Variants in WDR43 observed in about 807,000 individuals in gnomAD.
WDR43 encodes WD repeat domain 43, also known as WD repeat-containing protein 43.
In WDR43, 13 loss-of-function variants were observed where a neutral mutation model predicts 91.4. That is an observed-to-expected ratio of 0.14 (90% CI 0.09 to 0.23). The LOEUF is 0.23. Ranked by LOEUF, WDR43 falls within the 10% of genes least tolerant of loss-of-function variation. The pLI, the probability that WDR43 is intolerant of heterozygous loss-of-function variation, is 1.00. For missense variants in WDR43, 780 were observed against 809.4 expected (o/e 0.96, Z 0.44); for synonymous variants, 331 against 287.9 (o/e 1.15, Z -1.51).
At chr2:28,941,396 G>A in intron 14 of WDR43, 65 bp from the exon 15 acceptor site, 1 of 1,257,524 alleles carries the variant, frequency 8.0e-7, no homozygotes, top group South Asian at 1.3e-5. Context: ...GCATAGCTGA[G>A]CATGATTTGC....
At chr2:28,932,092 G>A (rs565576447) in intron 11 of WDR43, among the ~76,000 whole-genome samples, 3 of 151,998 alleles carry the variant, frequency 2.0e-5, no homozygotes, top group African/African-American at 7.2e-5. Context: ...TGCTCACATT[G>A]GTTTCAAAGT....
rs367917718 is a variant in WDR43, at chr2:28,925,028, A to G, written c.961A>G (p.Thr321Ala). The G allele has an allele frequency of 6.2e-7, 1 of 1,613,812 alleles. No individual in the cohort carries two copies. The highest frequency in any genetic ancestry group is 8.5e-7 in the Non-Finnish European group (1 of 1,179,868). The change falls in exon 8 of 18, where the codon ACA (threonine) becomes GCA (alanine). Residue 321 changes from threonine (T) to alanine (A), a missense_variant. By Grantham distance (58) the Thr-to-Ala change is moderately conservative. Coordinates refer to ENST00000407426, the MANE Select transcript of WDR43 (RefSeq NM_015131.3). Reference protein sequence around the residue: ...LTSNCTIQIATPGKGKKSTPK... With the variant: ...LTSNCTIQIAAPGKGKKSTPK... ...TTCAAACTGCACAATTCAGATAGCA[A>G]CACCTGGGAAAGGCAAGAAGTCAAC...
At chr2:28,937,662 G>A (rs1383583790) in intron 13 of WDR43, among the ~76,000 whole-genome samples, 1 of 152,112 alleles carries the variant, frequency 6.6e-6, no homozygotes, top group Non-Finnish European at 1.5e-5. Flanking sequence ...AGTAAAGCAC[G>A]GGTTTTGCTC....
chr2:28,934,332 A>G (rs1671300490), intron 11 of WDR43, among the ~76,000 whole-genome samples: 1 of 152,206 alleles, frequency 6.6e-6, no homozygotes, highest in Non-Finnish European at 1.5e-5. Context: ...TACAGTGTTT[A>G]TTTTTATCAT....
At chr2:28,934,473 C>CG (rs1671302896) in intron 11 of WDR43, among the ~76,000 whole-genome samples, 1 of 152,124 alleles carries the variant, frequency 6.6e-6, no homozygotes, top group Non-Finnish European at 1.5e-5. Flanking sequence ...TCTTCAACAC[C>CG]ACCTTCTTAG....
intron 13 of WDR43, 56 bp from the exon 14 acceptor site, chr2:28,937,875 A>G (rs1671363133): frequency 6.4e-7 from 1 of 1,561,126 alleles, no homozygotes; most frequent in Non-Finnish European, 8.8e-7. Context: ...CTAACAGCTC[A>G]GTTGAATTTA....
rs1671540942 is a variant in WDR43 at position 28,946,299 on chromosome 2, AT to A, written c.1805-150del. 39 of 877,480 alleles carry A rather than the reference AT, an allele frequency of 4.4e-5. No individual in the cohort carries two copies. The East Asian group carries it at 4.5e-4, about 10-fold the overall frequency. 54.4% of individuals were successfully genotyped at this position (877,480 alleles called of 1,614,324 possible). A position where few individuals can be genotyped will look rare whatever the true frequency, so the allele number is the denominator to read the frequency against. On this transcript the variant is annotated intron_variant, in intron 16 of 17. Coordinates refer to ENST00000407426, the MANE Select transcript of WDR43 (RefSeq NM_015131.3). ...GCACTCCAGCCTGCAAAAAAAAAAA[AT>A]AATAAAATAATGTTATTTCTTAGTT...
Position 28,914,158 on chromosome 2 carries a change from A to T in WDR43, c.696A>T (p.Thr232=), listed in dbSNP as rs767051100. The change falls in exon 5 of 18, where the codon ACA becomes ACT. Residue 232 remains threonine (T), a synonymous_variant. Transcript: ENST00000407426. ...AGAGCCAGCCCTTTGATGGAATTAC[A>T]GGTCTTTATTTCTTATCTGGAGCAG... ...PNESQPFDGI[T]GLYFLSGAVH... is the part of the protein sequence containing the mutation. 3.1e-6 allele frequency: 5 copies of T among 1,613,938 alleles called. No homozygotes were observed. Among genetic ancestry groups the T allele is most frequent in the Non-Finnish European group, 4.2e-6 (5 of 1,179,890 alleles).
At chr2:28,941,843 C>T (rs573793657) in intron 15 of WDR43, among the ~76,000 whole-genome samples, 1 of 152,280 alleles carries the variant, frequency 6.6e-6, no homozygotes, top group South Asian at 2.1e-4. Flanking sequence ...GATCCTACCA[C>T]CTTGACCTCC....
chr2:28,918,100 G>C, intron 6 of WDR43, 105 bp downstream of exon 6: 1 of 948,258 alleles, frequency 1.1e-6, no homozygotes, highest in Non-Finnish European at 1.6e-6. Flanking sequence ...GAGGACCTGA[G>C]GGAGTAACAA....
At chr2:28,919,015 T>A (rs1670969626) in intron 6 of WDR43, among the ~76,000 whole-genome samples, 1 of 152,178 alleles carries the variant, frequency 6.6e-6, no homozygotes, top group Non-Finnish European at 1.5e-5. Context: ...TGGTTTAATG[T>A]TTCTGGCTGG....
chr2:28,942,484 TG>T (rs1671458223), intron 16 of WDR43, 103 bp downstream of exon 16: 2 of 1,270,020 alleles, frequency 1.6e-6, no homozygotes, highest in Non-Finnish European at 2.2e-6. Flanking sequence ...GATCTTCCTT[TG>T]GCAAGCCTTC....
chr2:28,902,418 C>T (rs542977750), intron 2 of WDR43, among the ~76,000 whole-genome samples: 6 of 152,324 alleles, frequency 3.9e-5, no homozygotes, highest in African/African-American at 7.2e-5. Context: ...AGCTCCCCAC[C>T]TCTTGACCTA....
rs1052764554 is a variant in WDR43 at position 28,940,970 on chromosome 2, C to G, written c.1621-491C>G. On this transcript the variant is annotated intron_variant, in intron 14 of 17. Transcript: ENST00000407426. ...ATTAACAGGAAGTATATTTAAAATG[C>G]AAAAGGTCAACTTTGTACTTTGTTC... 3.9e-5 allele frequency among the ~76,000 whole-genome samples: 6 copies of G among 152,114 alleles called. No homozygotes were observed. The East Asian group carries it at 1.2e-3, about 29-fold the overall frequency.
At chr2:28,926,655 T>C in intron 9 of WDR43, 101 bp downstream of exon 9, 1 of 984,064 alleles carries the variant, frequency 1.0e-6, no homozygotes, top group South Asian at 2.0e-5. Context: ...TTTTATTCTT[T>C]AATATCTTTA....
chr2:28,917,580 G>A lies in WDR43; in HGVS notation c.747-313G>A, dbSNP rs140620685. Among the ~76,000 whole-genome samples the A allele has an allele frequency of 6.1e-4, 93 of 152,250 alleles. 1 individual carries two copies. Among genetic ancestry groups the A allele is most frequent in the African/African-American group, 2.0e-3 (83 of 41,548 alleles). ...TTGATTTCAAGACCTATTATCAAGC[G>A]GCACTAATCATGACAGTGTGGTATT... On this transcript the variant is annotated intron_variant, in intron 5 of 17. Transcript: ENST00000407426.
intron 5 of WDR43, among the ~76,000 whole-genome samples, chr2:28,915,419 T>C (rs188212350): frequency 5.3e-5 from 8 of 152,356 alleles, no homozygotes; most frequent in Admixed American, 3.9e-4. Context: ...ATTGAGTTGC[T>C]TCAATCTCAA....
At position 28,946,830 on chromosome 2, in the gene WDR43, C is replaced by T. The variant is rs1016849007; in HGVS notation, c.*51C>T. ...TATATAAACTCTGGCTCACCTTGCC[C>T]AGTGGTGAGGGCTGCCTCTGTGCCA... On this transcript the variant is annotated 3_prime_UTR_variant, in exon 18 of 18. Transcript: ENST00000407426. 2.5e-5 allele frequency: 38 copies of T among 1,499,270 alleles called. No homozygotes were observed. In the Admixed American group the frequency reaches 2.9e-4, roughly 12 times the overall value. 92.9% of individuals were successfully genotyped at this position (1,499,270 alleles called of 1,614,324 possible).
chr2:28,908,061 G>A (rs775715090), intron 3 of WDR43, among the ~76,000 whole-genome samples: 5 of 152,234 alleles, frequency 3.3e-5, no homozygotes, highest in Admixed American at 6.5e-5. Context: ...CTGGTTGTAG[G>A]ATGGTAAGTG....
Sources: gnomAD v4.1 joint callset for allele counts (sites outside exome capture counted in the v4.1 genomes callset) on GRCh38, gnomAD v4.1.1 for gene constraint, MANE v1.5 for transcripts, NCBI Gene and HGNC (gene_info 2026-07-23, HGNC 2026-07-21) for gene names.